DCST1: variants seen among roughly 807,000 people sequenced by gnomAD.
DCST1 encodes the protein DC-STAMP domain containing 1.
In DCST1, 78 loss-of-function variants were observed where a neutral mutation model predicts 89.1. That is an observed-to-expected ratio of 0.88 (90% CI 0.73 to 1.06). DCST1 has a LOEUF of 1.06. Ranked by LOEUF, DCST1 falls within the 50% of genes least tolerant of loss-of-function variation. DCST1 has a pLI of 0.00. For synonymous variants in DCST1, 364 were observed against 371.9 expected (o/e 0.98, Z 0.24); for missense variants, 900 against 928.6 (o/e 0.97, Z 0.40).
At chr1:155,047,364 G>T (rs1660686024) in intron 14 of DCST1, 52 bp downstream of exon 14, 2 of 1,513,714 alleles carry the variant, frequency 1.3e-6, no homozygotes, top group Non-Finnish European at 1.8e-6. Flanking sequence ...GTGGGGCAAG[G>T]GTCAAAAGAC....
At chr1:155,034,321 A>G in intron 2 of DCST1, 114 bp from the exon 3 acceptor site, 2 of 1,604,332 alleles carry the variant, frequency 1.2e-6, no homozygotes, top group South Asian at 2.2e-5. Context: ...CTAAGTTCCT[A>G]CTGTTTCACA....
rs776649543 is a variant in DCST1, at chr1:155,041,573, A to T, written c.708A>T (p.Thr236=). The T allele has an allele frequency of 8.7e-6, 14 of 1,614,030 alleles. No homozygotes were observed. In the South Asian group the frequency reaches 1.2e-4, roughly 14 times the overall value. Residue 236 remains threonine, a synonymous_variant, in exon 7 of 17, where the codon ACA becomes ACT. Transcript: ENST00000295542. ...CAGCCTCCAGACTCCACCTGTCGAC[A>T]CAGAAGATGTATGAGCTGAAGACCA... is the stretch of plus-strand genomic sequence containing the variant. ...QAPASRLHLS[T]QKMYELKTKL...
chr1:155,049,152 G>T, intron 16 of DCST1: 2 of 703,320 alleles, frequency 2.8e-6, no homozygotes, highest in South Asian at 3.1e-5. Flanking sequence ...TCATTACTAT[G>T]ACAACGGTGT....
chr1:155,034,013 G>C lies in DCST1; in HGVS notation c.-24G>C. ...AGGTCCTTCAGGAGACCTGGGATGA[G>C]TGGTGCTTCCCCAAAACAGACTCAT... On this transcript the variant is annotated 5_prime_UTR_variant, in exon 2 of 17. Transcript: ENST00000295542. The C allele has an allele frequency of 1.2e-6, 2 of 1,614,118 alleles. No homozygotes were observed. Among genetic ancestry groups the C allele is most frequent in the Non-Finnish European group, 1.7e-6 (2 of 1,179,998 alleles).
At chr1:155,035,719 C>T (rs1210887851) in intron 4 of DCST1, among the ~76,000 whole-genome samples, 2 of 152,082 alleles carry the variant, frequency 1.3e-5, no homozygotes, top group African/African-American at 4.8e-5. Context: ...CACCTGAGGT[C>T]AGGAGTTTGA....
chr1:155,040,558 C>G lies in DCST1; in HGVS notation c.465C>G (p.Ile155Met), dbSNP rs1660410267. ...ASLGCTVELQINNTRAAWRIS... is the reference protein window; with the variant it reads ...ASLGCTVELQMNNTRAAWRIS... ...TGGGCTGCACCGTGGAGCTGCAGAT[C>G]AACAACACCCGCGCAGCTTGGCGCA... Residue 155 changes from isoleucine (I) to methionine (M), a missense_variant, in exon 6 of 17, where the codon ATC becomes ATG. Coordinates refer to ENST00000295542, the MANE Select transcript of DCST1 (RefSeq NM_152494.4). 6.3e-7 allele frequency: 1 copy of G among 1,591,832 alleles called. No homozygotes were observed. Among genetic ancestry groups the G allele is most frequent in the Admixed American group, 1.7e-5 (1 of 57,186 alleles).
chr1:155,040,635 T>C lies in DCST1; in HGVS notation c.531+11T>C. 6.4e-7 allele frequency: 1 copy of C among 1,564,002 alleles called. No homozygotes were observed. Among genetic ancestry groups the C allele is most frequent in the Non-Finnish European group, 8.7e-7 (1 of 1,152,880 alleles). On this transcript the variant is annotated intron_variant, in intron 6 of 16. Transcript: ENST00000295542. ...TTCAAGGACCTGCTGGTCAGGAATC[T>C]GCACAGGCAGAGCCTGGGGGGTCCC... is the stretch of plus-strand genomic sequence containing the variant.
At chr1:155,042,658 CAGG>C in intron 8 of DCST1, 74 bp from the exon 9 acceptor site, 1 of 1,600,204 alleles carries the variant, frequency 6.2e-7, no homozygotes, top group South Asian at 1.1e-5. Context: ...AGGAGGACTA[CAGG>C]AGGACAGGCA....
At position 155,043,496 on chromosome 1, in the gene DCST1, C is replaced by T; in HGVS notation, c.1159C>T (p.Leu387=). ...LHVLLSCTFL[L]VLHASFSYMD... is the part of the protein sequence containing the mutation. Reference sequence around the variant, plus strand: ...CGTGCTGCTCTCCTGCACTTTCCTGCTGGTCCTGCATGCGTGAGCCATAGT... The same window carrying T: ...CGTGCTGCTCTCCTGCACTTTCCTGTTGGTCCTGCATGCGTGAGCCATAGT... Residue 387 remains leucine (L), a synonymous_variant, in exon 10 of 17, where the codon CTG becomes TTG. Transcript: ENST00000295542. The T allele has an allele frequency of 6.3e-7, 1 of 1,594,480 alleles. No individual in the cohort carries two copies. Among genetic ancestry groups the T allele is most frequent in the Non-Finnish European group, 8.6e-7 (1 of 1,169,508 alleles).
chr1:155,038,429 G>A (rs1660336721), intron 4 of DCST1, among the ~76,000 whole-genome samples: 1 of 152,232 alleles, frequency 6.6e-6, no homozygotes, highest in South Asian at 2.1e-4. Context: ...TGTAAAAACT[G>A]AAGTGTAAGG....
intron 4 of DCST1, among the ~76,000 whole-genome samples, chr1:155,039,057 T>C (rs1045328302): frequency 7.9e-5 from 12 of 152,190 alleles, no homozygotes; most frequent in African/African-American, 2.7e-4. Context: ...TATTTTCTCT[T>C]GCTCTCTCTG....
chr1:155,044,296 A>C (rs1031986211), intron 10 of DCST1, among the ~76,000 whole-genome samples: 2 of 152,170 alleles, frequency 1.3e-5, no homozygotes, highest in Admixed American at 6.5e-5. Flanking sequence ...AGCCTGGGTA[A>C]CACAGTGAGA....
chr1:155,041,757 C>A lies in DCST1; in HGVS notation c.792C>A (p.Asp264Glu). 1 of 1,614,230 alleles carries A rather than the reference C, an allele frequency of 6.2e-7. No homozygotes were observed. Among genetic ancestry groups the A allele is most frequent in the Non-Finnish European group, 8.5e-7 (1 of 1,180,042 alleles). Residue 264 changes from aspartate to glutamate, a missense_variant, in exon 8 of 17, where the codon GAC becomes GAA. By Grantham distance (45) the Asp-to-Glu change is conservative. Coordinates refer to ENST00000295542, the MANE Select transcript of DCST1 (RefSeq NM_152494.4). The stretch of plus-strand genomic sequence containing the variant: ...TACTCAGCTGCCGTCGTTGGTTTGA[C>A]CGCAAGCATGAACAGTGCATGAAGC... ...QAILSCRRWF[D>E]RKHEQCMKHI...
In DCST1 at chr1:155,047,913, C is replaced by A. The variant is rs375727989; in HGVS notation, c.1739C>A (p.Ala580Asp). Residue 580 changes from alanine (A) to aspartate (D), a missense_variant, in exon 15 of 17, where the codon GCC becomes GAC. Physicochemically the swap from Ala to Asp is moderately radical, Grantham distance 126 (BLOSUM62 -2). Transcript: ENST00000295542. ...TACCGACTCCGGAGGGTCATCGCAGCCTTCTACTTCCCCAAGGTTTGCCCC... is the reference window on the plus strand; with the variant it reads ...TACCGACTCCGGAGGGTCATCGCAGACTTCTACTTCCCCAAGGTTTGCCCC... Reference protein sequence around the residue: ...FGYRLRRVIAAFYFPKREKKR... With the variant: ...FGYRLRRVIADFYFPKREKKR... The A allele has an allele frequency of 6.2e-7, 1 of 1,614,106 alleles. No individual in the cohort carries two copies.
intron 6 of DCST1, 132 bp from the exon 7 acceptor site, chr1:155,041,265 T>C: frequency 1.1e-6 from 1 of 894,968 alleles, no homozygotes; most frequent in Non-Finnish European, 1.7e-6. Flanking sequence ...AGGCTGTGTC[T>C]CAGGGCCTAG....
At chr1:155,046,598 C>CCCTTTTTT (rs1660640438) in intron 13 of DCST1, 112 bp downstream of exon 13, 4 of 415,814 alleles carry the variant, frequency 9.6e-6, no homozygotes, top group East Asian at 6.8e-5. Flanking sequence ...GTCCTTCTGC[C>CCCTTTTTT]TCTTTTTTTT....
chr1:155,047,827 C>T lies in DCST1; in HGVS notation c.1653C>T (p.Tyr551=). Residue 551 remains tyrosine, a synonymous_variant, in exon 15 of 17, where the codon TAC becomes TAT. Coordinates refer to ENST00000295542, the MANE Select transcript of DCST1 (RefSeq NM_152494.4). The stretch of plus-strand genomic sequence containing the variant: ...CTGTGGGCCTGGATGCCAGGGCCTA[C>T]TGGAGAGCTGCAGTACCGATTGGCC... ...PQPVGLDARA[Y]WRAAVPIGLL... is the part of the protein sequence containing the mutation. 6.2e-7 allele frequency: 1 copy of T among 1,614,212 alleles called. No homozygotes were observed. Among genetic ancestry groups the T allele is most frequent in the Middle Eastern group, 1.7e-4 (1 of 6,056 alleles).
At chr1:155,046,629 G>A (rs1381966104) in intron 13 of DCST1, 143 bp downstream of exon 13, 2 of 709,204 alleles carry the variant, frequency 2.8e-6, no homozygotes, top group Non-Finnish European at 3.9e-6. Flanking sequence ...GAGACAAAGA[G>A]TCTCGCTCTG....
At chr1:155,036,781 C>T (rs191551363) in intron 4 of DCST1, among the ~76,000 whole-genome samples, 56 of 152,312 alleles carry the variant, frequency 3.7e-4, no homozygotes, top group African/African-American at 1.1e-3. Context: ...CGGCAATGCC[C>T]GGTTTCTTGC....
Sources: allele counts gnomAD v4.1 joint callset (sites outside exome capture counted in the v4.1 genomes callset), GRCh38; gene constraint gnomAD v4.1.1; transcripts MANE v1.5; gene names NCBI Gene and HGNC (gene_info 2026-07-23, HGNC 2026-07-21).